The following MAN1A2 variants were observed in gnomAD, a reference collection of about 807,000 sequenced individuals.
MAN1A2 encodes the protein mannosyl-oligosaccharide 1,2-alpha-mannosidase IB.
Under a neutral mutation model 75.7 loss-of-function variants are expected in MAN1A2, and 26 were observed. That is an observed-to-expected ratio of 0.34 (90% CI 0.25 to 0.48). MAN1A2 has a LOEUF of 0.48. Among genes scored for constraint, MAN1A2 ranks in the 20% least tolerant of loss-of-function variants. MAN1A2 has a pLI of 0.99. For synonymous variants in MAN1A2, 247 were observed against 264.6 expected (o/e 0.93, Z 0.65); for missense variants, 562 against 775.5 (o/e 0.72, Z 3.27).
chr1:117,407,186 A>G (rs1424735511), intron 3 of MAN1A2, among the ~76,000 whole-genome samples: 1 of 152,136 alleles, frequency 6.6e-6, no homozygotes, highest in African/African-American at 2.4e-5. Context: ...TTGAGTGGTT[A>G]CAGTTTCTTT....
intron 6 of MAN1A2, among the ~76,000 whole-genome samples, chr1:117,447,393 T>C (rs1455151656): frequency 1.3e-5 from 2 of 152,138 alleles, no homozygotes; most frequent in Admixed American, 6.6e-5. Context: ...TTTAATATTA[T>C]CAAAAAATAT....
At chr1:117,377,452 A>G (rs1243777275) in intron 1 of MAN1A2, among the ~76,000 whole-genome samples, 1 of 152,216 alleles carries the variant, frequency 6.6e-6, no homozygotes, top group Non-Finnish European at 1.5e-5. Context: ...TGATTCAGCA[A>G]TCCTTCTAGG....
chr1:117,432,791 A>G (rs1034282264), intron 5 of MAN1A2, among the ~76,000 whole-genome samples: 1 of 151,700 alleles, frequency 6.6e-6, no homozygotes, highest in African/African-American at 2.4e-5. Context: ...AGCAAGAGAA[A>G]ACTACAGACC....
intron 6 of MAN1A2, among the ~76,000 whole-genome samples, chr1:117,444,200 T>C (rs1264774676): frequency 6.6e-6 from 1 of 152,150 alleles, no homozygotes; most frequent in Non-Finnish European, 1.5e-5. Flanking sequence ...TTGTGATGAA[T>C]ACCAAGTGAG....
At chr1:117,520,517 A>G (rs1326076068) in intron 12 of MAN1A2, among the ~76,000 whole-genome samples, 2 of 152,098 alleles carry the variant, frequency 1.3e-5, no homozygotes, top group Non-Finnish European at 2.9e-5. Flanking sequence ...TCTTCTATAC[A>G]ACAACAGCAA....
chr1:117,431,209 G>C (rs1241126926), intron 5 of MAN1A2, among the ~76,000 whole-genome samples: 2 of 34,688 alleles, frequency 5.8e-5, no homozygotes, highest in Non-Finnish European at 1.5e-4. Flanking sequence ...GGGGGAGGGG[G>C]AGGGGGAGGG....
At position 117,420,635 on chromosome 1, in the gene MAN1A2, C is replaced by G; in HGVS notation, c.841C>G (p.Leu281Val). The G allele has an allele frequency of 1.2e-6, 2 of 1,612,310 alleles. No homozygotes were observed. The highest frequency in any genetic ancestry group is 2.2e-5 in the South Asian group (2 of 91,028). ...TGGAGGCCTACTTGCAGCATATTACCTATCAGGAGAGGAGGTGAGCAAAAT... is the reference window on the plus strand; with the variant it reads ...TGGAGGCCTACTTGCAGCATATTACGTATCAGGAGAGGAGGTGAGCAAAAT... ...FIGGLLAAYY[L>V]SGEEIFKIKA... The change falls in exon 5 of 13, where the codon CTA (leucine) becomes GTA (valine). Residue 281 changes from leucine to valine, a missense_variant. Coordinates refer to ENST00000356554, the MANE Select transcript of MAN1A2 (RefSeq NM_006699.5).
intron 5 of MAN1A2, among the ~76,000 whole-genome samples, chr1:117,423,568 G>A (rs1260399563): frequency 6.6e-6 from 1 of 151,590 alleles, no homozygotes. Context: ...TATGTATTTT[G>A]ATAAATTTAT....
At position 117,503,190 on chromosome 1, in the gene MAN1A2, T is replaced by C. The variant is rs547153888; in HGVS notation, c.1793+220T>C. On this transcript the variant is annotated intron_variant, in intron 12 of 12. Coordinates refer to ENST00000356554, the MANE Select transcript of MAN1A2 (RefSeq NM_006699.5). ...AAAGTACTTAGTACCTGTTAAAATT[T>C]TTTGTTCTTTGCTCTTTAATGTGCA... 2.4e-4 allele frequency among the ~76,000 whole-genome samples: 36 copies of C among 151,698 alleles called. No individual in the cohort carries two copies. In the South Asian group the frequency reaches 2.9e-3, roughly 12 times the overall value.
intron 6 of MAN1A2, among the ~76,000 whole-genome samples, chr1:117,450,483 C>T (rs1266355203): frequency 6.6e-6 from 1 of 152,194 alleles, no homozygotes; most frequent in Non-Finnish European, 1.5e-5. Flanking sequence ...TTCAAGCCTG[C>T]TGCAGAAATT....
intron 12 of MAN1A2, among the ~76,000 whole-genome samples, chr1:117,509,648 A>G (rs1056575444): frequency 1.3e-5 from 2 of 152,004 alleles, no homozygotes; most frequent in African/African-American, 2.4e-5. Flanking sequence ...TTGTTGAGCT[A>G]TATATACATA....
chr1:117,400,766 A>G (rs1380499106), intron 1 of MAN1A2, among the ~76,000 whole-genome samples: 1 of 152,152 alleles, frequency 6.6e-6, no homozygotes, highest in African/African-American at 2.4e-5. Flanking sequence ...TTTGGAGGAT[A>G]TCTTGATTGT....
chr1:117,461,186 A>G (rs1649807077), intron 7 of MAN1A2, among the ~76,000 whole-genome samples: 1 of 152,234 alleles, frequency 6.6e-6, no homozygotes, highest in African/African-American at 2.4e-5. Flanking sequence ...TAAATCTAAC[A>G]AAAGATAAAG....
At chr1:117,435,491 G>C (rs35165743) in intron 5 of MAN1A2, among the ~76,000 whole-genome samples, 1 of 152,160 alleles carries the variant, frequency 6.6e-6, no homozygotes, top group African/African-American at 2.4e-5. Flanking sequence ...TGTTGGAATA[G>C]GTTGAGGAGT....
At chr1:117,414,614 A>G (rs1647928743) in intron 3 of MAN1A2, 99 bp from the exon 4 acceptor site, 1 of 637,528 alleles carries the variant, frequency 1.6e-6, no homozygotes, top group East Asian at 2.6e-5. Context: ...TAAATAATTA[A>G]AATACACTGA....
intron 3 of MAN1A2, among the ~76,000 whole-genome samples, chr1:117,412,224 T>C (rs1041463854): frequency 1.3e-5 from 2 of 151,748 alleles, no homozygotes; most frequent in African/African-American, 2.4e-5. Flanking sequence ...GTTTAGATTT[T>C]CTGTTTCTTC....
At position 117,524,857 on chromosome 1, in the gene MAN1A2, GGT is replaced by G. The variant is rs1651962581; in HGVS notation, c.*1901_*1902del. On this transcript the variant is annotated 3_prime_UTR_variant, in exon 13 of 13. Transcript: ENST00000356554. ...AACATTTAAATTTCTAAATGAGAAA[GGT>G]ATATATATTACTGTAACTGTAGAAG... 3 of 246,842 alleles carry G rather than the reference GGT, an allele frequency of 1.2e-5. No individual in the cohort carries two copies. Among genetic ancestry groups the G allele is most frequent in the African/African-American group, 2.2e-5 (1 of 45,092 alleles). The allele number at this position is 246,842 out of a possible 1,614,324, so 15.3% of individuals were successfully genotyped here. A position where few individuals can be genotyped will look rare whatever the true frequency, so the allele number is the denominator to read the frequency against.
At chr1:117,389,244 A>C (rs1653640918) in intron 1 of MAN1A2, among the ~76,000 whole-genome samples, 2 of 152,210 alleles carry the variant, frequency 1.3e-5, no homozygotes, top group Admixed American at 1.3e-4. Context: ...CTGATTTGTT[A>C]CAGCAGCAGT....
chr1:117,431,580 A>C (rs898549657), intron 5 of MAN1A2, among the ~76,000 whole-genome samples: 2 of 152,236 alleles, frequency 1.3e-5, no homozygotes, highest in African/African-American at 4.8e-5. Flanking sequence ...TTTCAAGTGC[A>C]CATGGTATGT....
Sources: allele counts gnomAD v4.1 joint callset (sites outside exome capture counted in the v4.1 genomes callset), GRCh38; gene constraint gnomAD v4.1.1; transcripts MANE v1.5; gene names NCBI Gene and HGNC (gene_info 2026-07-23, HGNC 2026-07-21).